NKD1: variants seen among roughly 807,000 people sequenced by gnomAD.
NKD1 encodes the protein protein naked cuticle homolog 1.
Under a neutral mutation model 56.0 loss-of-function variants are expected in NKD1, and 21 were observed. The ratio of observed to expected loss-of-function variants is 0.38; its 90% CI spans 0.27 to 0.54. The LOEUF (loss-of-function observed/expected upper bound fraction) is 0.54. Among genes scored for constraint, NKD1 ranks in the 20% least tolerant of loss-of-function variants. NKD1 has a pLI of 0.82. For missense variants in NKD1, 578 were observed against 642.7 expected (o/e 0.90, Z 1.09); for synonymous variants, 263 against 265.7 (o/e 0.99, Z 0.10).
chr16:50,627,296 C>T (rs572169694), intron 6 of NKD1, among the ~76,000 whole-genome samples: 4 of 152,340 alleles, frequency 2.6e-5, no homozygotes, highest in African/African-American at 9.6e-5. Context: ...TATTCCTCAG[C>T]TCTATTTCCC....
intron 4 of NKD1, 71 bp downstream of exon 4, chr16:50,608,431 C>T (rs1173520587): frequency 9.1e-7 from 1 of 1,096,200 alleles, no homozygotes; most frequent in East Asian, 2.4e-5. Flanking sequence ...TGGCCGTGTG[C>T]CCTGTGTACT....
chr16:50,548,777 G>A, intron 2 of NKD1, 28 bp downstream of exon 2: 5 of 1,384,010 alleles, frequency 3.6e-6, no homozygotes, highest in Non-Finnish European at 4.6e-6. Flanking sequence ...GCAGACCTCG[G>A]GGATGGACGC....
rs143452765 is a variant in NKD1, at chr16:50,624,337, C to T, written c.367-1148C>T. Among the ~76,000 whole-genome samples the T allele has an allele frequency of 3.9e-4, 60 of 152,276 alleles. 1 individual carries two copies. The highest frequency in any genetic ancestry group is 7.2e-4 in the Non-Finnish European group (49 of 68,020). ...CTCCGGTGACCAGCTCACCACTTCG[C>T]GTCTCACATTCCCTGGGGTCAGACA... On this transcript the variant is annotated intron_variant, in intron 5 of 9. Transcript: ENST00000268459.
At chr16:50,567,083 G>A (rs1242036636) in intron 3 of NKD1, among the ~76,000 whole-genome samples, 1 of 151,504 alleles carries the variant, frequency 6.6e-6, no homozygotes, top group Non-Finnish European at 1.5e-5. Flanking sequence ...TTTGAGGGGT[G>A]CATAGAGCTT....
chr16:50,573,762 A>C, intron 3 of NKD1: 1 of 956,612 alleles, frequency 1.0e-6, no homozygotes, highest in Non-Finnish European at 1.2e-6. Flanking sequence ...AAAATTGAAT[A>C]ACCTGGGTTC....
Position 50,634,004 on chromosome 16 carries a change from A to C in NKD1, c.*223A>C. 2.4e-6 allele frequency: 1 copy of C among 420,720 alleles called. No individual in the cohort carries two copies. The highest frequency in any genetic ancestry group is 4.2e-6 in the Non-Finnish European group (1 of 239,228). 26.1% of individuals were successfully genotyped at this position (420,720 alleles called of 1,614,324 possible). A position where few individuals can be genotyped will look rare whatever the true frequency, so the allele number is the denominator to read the frequency against. On this transcript the variant is annotated 3_prime_UTR_variant, in exon 10 of 10. Coordinates refer to ENST00000268459, the MANE Select transcript of NKD1 (RefSeq NM_033119.5). ...GACTGCATAACTAGCCCAGGAAATG[A>C]CTCTGGTTTTGAGTGGCCTGTAATG...
intron 3 of NKD1, chr16:50,562,252 T>C: frequency 1.0e-6 from 1 of 968,818 alleles, no homozygotes. Flanking sequence ...AAAACATTCA[T>C]AGGCCATGGT....
rs1027506489 is a variant in NKD1 at position 50,561,166 on chromosome 16, G to A, written c.192+11611G>A. ...GAGGATGAGCAGTCCCATGGAGGGG[G>A]GGCCCATGGCTTCTCCCCTGAGAAG... On this transcript the variant is annotated intron_variant, in intron 3 of 9. Transcript: ENST00000268459. Among the ~76,000 whole-genome samples, 23 of 152,262 alleles carry A rather than the reference G, an allele frequency of 1.5e-4. No homozygotes were observed. In the East Asian group the frequency reaches 1.7e-3, roughly 12 times the overall value.
chr16:50,586,363 A>C (rs1961229701), intron 3 of NKD1, among the ~76,000 whole-genome samples: 1 of 115,748 alleles, frequency 8.6e-6, no homozygotes, highest in African/African-American at 3.4e-5. Flanking sequence ...TGAGTCACAG[A>C]GGCGTCTCCT....
chr16:50,627,228 C>T (rs1354257979), intron 6 of NKD1, among the ~76,000 whole-genome samples: 1 of 152,180 alleles, frequency 6.6e-6, no homozygotes, highest in Non-Finnish European at 1.5e-5. Flanking sequence ...GACCCAGAGG[C>T]TCAGTGGCTT....
chr16:50,618,821 G>C (rs577427062), intron 4 of NKD1, among the ~76,000 whole-genome samples: 1 of 152,300 alleles, frequency 6.6e-6, no homozygotes, highest in Admixed American at 6.5e-5. Context: ...CTGGTGAAGA[G>C]AGGACAATCC....
At chr16:50,579,277 G>A (rs1324927525) in intron 3 of NKD1, among the ~76,000 whole-genome samples, 21 of 140,750 alleles carry the variant, frequency 1.5e-4, no homozygotes, top group African/African-American at 5.8e-4. Flanking sequence ...ACTCTAACCC[G>A]CCACGCATGC....
chr16:50,577,755 G>T (rs150711226), intron 3 of NKD1, among the ~76,000 whole-genome samples: 1 of 152,104 alleles, frequency 6.6e-6, no homozygotes, highest in Non-Finnish European at 1.5e-5. Flanking sequence ...ATGAGATCAC[G>T]CAGTATTTGT....
rs73588001 is a variant in NKD1, at chr16:50,569,157, T to C, written c.192+19602T>C. On this transcript the variant is annotated intron_variant, in intron 3 of 9. Transcript: ENST00000268459. The stretch of plus-strand genomic sequence containing the variant: ...AATATTTTGGGAAGTCAGATTCCGC[T>C]GACATTATAGTCTATGGGTTGGGCA... Among the ~76,000 whole-genome samples the C allele has an allele frequency of 4.9e-3, 748 of 152,374 alleles. 3 individuals are homozygous for C. Among genetic ancestry groups the C allele is most frequent in the African/African-American group, 0.017 (714 of 41,592 alleles).
chr16:50,595,091 C>G (rs1407204721), intron 3 of NKD1, among the ~76,000 whole-genome samples: 1 of 152,176 alleles, frequency 6.6e-6, no homozygotes, highest in East Asian at 1.9e-4. Flanking sequence ...GTGCTCCAGC[C>G]CTTGGCAGTC....
chr16:50,549,294 C>T, intron 2 of NKD1, 128 bp from the exon 3 acceptor site: 2 of 1,215,830 alleles, frequency 1.6e-6, no homozygotes, highest in Non-Finnish European at 2.3e-6. Context: ...CTGCCCCAGC[C>T]CGCGAACCCC....
chr16:50,575,083 C>T (rs113151766), intron 3 of NKD1: 1 of 984,932 alleles, frequency 1.0e-6, no homozygotes, highest in African/African-American at 1.7e-5. Context: ...TTCATGACAC[C>T]AGTAAGTAGG....
rs138964473 is a variant in NKD1 at position 50,598,262 on chromosome 16, T to TGTGTGTGTGTGC, written c.193-10031_193-10030insTGTGTGTGTGCG. On this transcript the variant is annotated intron_variant, in intron 3 of 9. Transcript: ENST00000268459. This position sits in a 1 kb window ranked among gnomAD's most constrained non-coding sequence, Gnocchi z 4.2. ...GTGTGTGTGTGTGTGTGTGTGTGTG[T>TGTGTGTGTGTGC]GCGCGCACACCTGTGCTCATGGACA... Among the ~76,000 whole-genome samples, 134 of 148,664 alleles carry TGTGTGTGTGTGC rather than the reference T, an allele frequency of 9.0e-4. No homozygotes were observed. Among genetic ancestry groups the TGTGTGTGTGTGC allele is most frequent in the African/African-American group, 3.3e-3 (130 of 39,156 alleles).
At chr16:50,600,429 C>T (rs905308194) in intron 3 of NKD1, among the ~76,000 whole-genome samples, 1 of 151,994 alleles carries the variant, frequency 6.6e-6, no homozygotes, top group Non-Finnish European at 1.5e-5. Flanking sequence ...TGCGACTGCA[C>T]TCCATCCTGG....
Sources: gnomAD v4.1 joint callset for allele counts (sites outside exome capture counted in the v4.1 genomes callset) on GRCh38, gnomAD v4.1.1 for gene constraint, Gnocchi (gnomAD v3.1) non-coding constraint, MANE v1.5 for transcripts, NCBI Gene and HGNC (gene_info 2026-07-23, HGNC 2026-07-21) for gene names.